The following CCDC186 variants were observed in gnomAD, a reference collection of about 807,000 sequenced individuals.
The protein encoded by CCDC186 is coiled-coil domain containing 186, also known as coiled-coil domain-containing protein 186.
In CCDC186, 49 loss-of-function variants were observed where a neutral mutation model predicts 113.7. That is an observed-to-expected ratio of 0.43 (90% confidence interval 0.34 to 0.55). CCDC186 has a LOEUF of 0.55. Ranked by LOEUF, CCDC186 falls within the 20% of genes least tolerant of loss-of-function variation. CCDC186 has a pLI of 0.02. For synonymous variants in CCDC186, 355 were observed against 345.8 expected (o/e 1.03, Z -0.30); for missense variants, 890 against 1,011.1 (o/e 0.88, Z 1.62).
chr10:114,139,047 C>G (rs1271921785), intron 6 of CCDC186, among the ~76,000 whole-genome samples: 1 of 152,194 alleles, frequency 6.6e-6, no homozygotes, highest in Non-Finnish European at 1.5e-5. Flanking sequence ...ATATGTTCCC[C>G]TAATACAGCA....
At chr10:114,162,500 T>TA (rs2119818388) in intron 2 of CCDC186, 137 bp downstream of exon 2, 1 of 627,762 alleles carries the variant, frequency 1.6e-6, no homozygotes, top group East Asian at 2.9e-5. Flanking sequence ...ACTATACATT[T>TA]ATTGTTCAAC....
chr10:114,138,037 C>CA lies in CCDC186; in HGVS notation c.1222-748dup, dbSNP rs1564908401. On this transcript the variant is annotated intron_variant, in intron 6 of 15. Transcript: ENST00000369287. ...GGGCAACAAGAGTGAAACTCGGTCT[C>CA]AAAAAAAAAAAAAAAAAAAAAAAAA... Among the ~76,000 whole-genome samples, 3 of 22,848 alleles carry CA rather than the reference C, an allele frequency of 1.3e-4. 1 individual carries two copies. The highest frequency in any genetic ancestry group is 2.3e-4 in the Non-Finnish European group (3 of 12,814). The allele number at this position is 22,848 out of a possible 152,430, so 15.0% of individuals were successfully genotyped here.
chr10:114,160,604 G>A (rs1051506734), intron 2 of CCDC186, among the ~76,000 whole-genome samples: 3 of 142,672 alleles, frequency 2.1e-5, no homozygotes, highest in Non-Finnish European at 3.0e-5. Context: ...ATCATTTCAC[G>A]ATGTATATCA....
chr10:114,167,011 G>A (rs924695160), intron 1 of CCDC186, among the ~76,000 whole-genome samples: 6 of 147,762 alleles, frequency 4.1e-5, no homozygotes, highest in Admixed American at 1.4e-4. Flanking sequence ...TAGCTTGCAA[G>A]CTGGTTTTTT....
At chr10:114,143,923 G>T (rs972582427) in intron 6 of CCDC186, among the ~76,000 whole-genome samples, 13 of 151,994 alleles carry the variant, frequency 8.6e-5, no homozygotes, top group Admixed American at 2.0e-4. Flanking sequence ...ACGGCATCAG[G>T]TATCAGCCTT....
At chr10:114,144,450 CA>C (rs780654700) in intron 6 of CCDC186, 46 bp downstream of exon 6, 12 of 1,546,504 alleles carry the variant, frequency 7.8e-6, no homozygotes, top group Admixed American at 4.3e-5. Flanking sequence ...AAAACAAAAA[CA>C]AAAAAACTCA....
intron 8 of CCDC186, 78 bp downstream of exon 8, chr10:114,136,066 AGTAG>A: frequency 6.7e-7 from 1 of 1,497,384 alleles, no homozygotes; most frequent in Non-Finnish European, 9.3e-7. Flanking sequence ...AGGCCTTAAA[AGTAG>A]ATAGCAATAA....
intron 3 of CCDC186, among the ~76,000 whole-genome samples, chr10:114,153,111 T>C (rs2031903532): frequency 2.6e-5 from 4 of 152,106 alleles, no homozygotes; most frequent in African/African-American, 9.7e-5. Flanking sequence ...TACAAAACAA[T>C]GGAATCTAAT....
At chr10:114,149,802 A>AAGGAAGGCAGGAAGGCAGGAAGGC (rs2031785429) in intron 4 of CCDC186, among the ~76,000 whole-genome samples, 1 of 39,670 alleles carries the variant, frequency 2.5e-5, no homozygotes, top group Non-Finnish European at 4.8e-5. Context: ...GGAAGGAAGG[A>AAGGAAGGCAGGAAGGCAGGAAGGC]AGGAAGGAAG....
At chr10:114,165,680 ACT>A (rs2032315000) in intron 1 of CCDC186, among the ~76,000 whole-genome samples, 1 of 150,844 alleles carries the variant, frequency 6.6e-6, no homozygotes, top group South Asian at 2.1e-4. Flanking sequence ...ACGGAGCGAG[ACT>A]CTGTCTCAAA....
Position 114,127,553 on chromosome 10 carries a change from CCTAACT to C in CCDC186, c.2295_2300del (p.Ile765_Arg767delinsMet). Reference sequence around the variant, plus strand: ...TTTTCCGGGCATGTGCTTTTTGCAGCCTAACTATTCTCTCAATCAACATGGCCTTAT... The same window carrying C: ...TTTTCCGGGCATGTGCTTTTTGCAGCATTCTCTCAATCAACATGGCCTTAT... On this transcript the variant is annotated inframe_deletion, in exon 14 of 16. Transcript: ENST00000369287. 6.2e-7 allele frequency: 1 copy of C among 1,613,960 alleles called. No individual in the cohort carries two copies. Among genetic ancestry groups the C allele is most frequent in the Non-Finnish European group, 8.5e-7 (1 of 1,179,976 alleles).
intron 11 of CCDC186, 64 bp downstream of exon 11, chr10:114,131,865 C>T (rs953257186): frequency 1.5e-5 from 22 of 1,423,314 alleles, no homozygotes; most frequent in African/African-American, 1.4e-4. Flanking sequence ...TACTTTTATA[C>T]TGTTAGGGAA....
chr10:114,157,622 C>T lies in CCDC186; in HGVS notation c.691G>A (p.Asp231Asn). The change falls in exon 3 of 16, where the codon GAC becomes AAC. Residue 231 changes from aspartate to asparagine, a missense_variant. Physicochemically the swap from Asp to Asn is conservative, Grantham distance 23. Coordinates refer to ENST00000369287, the MANE Select transcript of CCDC186 (RefSeq NM_018017.4). ...ELFVDICSEKDNLREELKKRT... is the reference protein window; with the variant it reads ...ELFVDICSEKNNLREELKKRT... The stretch of plus-strand genomic sequence containing the variant: ...TTCTTTAGTTCTTCTCTTAAATTGT[C>T]TTTTTCTGAACAAATGTCTACGAAG... 6.2e-7 allele frequency: 1 copy of T among 1,609,836 alleles called. No homozygotes were observed. The highest frequency in any genetic ancestry group is 8.5e-7 in the Non-Finnish European group (1 of 1,178,270).
chr10:114,150,984 G>A (rs2031839175), intron 4 of CCDC186, 108 bp downstream of exon 4: 2 of 1,295,302 alleles, frequency 1.5e-6, no homozygotes, highest in South Asian at 1.5e-5. Context: ...GAATCACCTA[G>A]TATTAATACA....
intron 5 of CCDC186, 139 bp downstream of exon 5, chr10:114,145,410 T>G: frequency 1.3e-6 from 1 of 760,914 alleles, no homozygotes; most frequent in Non-Finnish European, 2.0e-6. Context: ...AATTCATGGT[T>G]TTAGAAGGTA....
intron 4 of CCDC186, among the ~76,000 whole-genome samples, chr10:114,149,763 AG>A (rs1330444009): frequency 1.4e-4 from 3 of 21,356 alleles, no homozygotes; most frequent in African/African-American, 3.8e-4. Flanking sequence ...GCAGGAAGGA[AG>A]GAAGGAAGGA....
rs368118010 is a variant in CCDC186 at position 114,145,569 on chromosome 10, G to A, written c.1081C>T (p.His361Tyr). Residue 361 changes from histidine to tyrosine, a missense_variant, in exon 5 of 16, where the codon CAC (histidine) becomes TAC (tyrosine). Transcript: ENST00000369287. The part of the protein sequence containing the change: ...KQLSQEKGRL[H>Y]QLYETKEGET... Reference sequence around the variant, plus strand: ...TATACCTTAGTTTCATACAGCTGGTGCAACCGTCCTTTCTCCTGAGAAAGC... The same window carrying A: ...TATACCTTAGTTTCATACAGCTGGTACAACCGTCCTTTCTCCTGAGAAAGC... 2 of 1,609,120 alleles carry A rather than the reference G, an allele frequency of 1.2e-6. No individual in the cohort carries two copies. The highest frequency in any genetic ancestry group is 1.3e-5 in the African/African-American group (1 of 74,562).
rs1296762494 is a variant in CCDC186 at position 114,136,129 on chromosome 10, A to G, written c.1425+19T>C. The G allele has an allele frequency of 4.4e-6, 7 of 1,595,870 alleles. No individual in the cohort carries two copies. Among genetic ancestry groups the G allele is most frequent in the Non-Finnish European group, 6.0e-6 (7 of 1,164,804 alleles). On this transcript the variant is annotated intron_variant, in intron 8 of 15. Transcript: ENST00000369287. ...ATTTATTATGCAACTTAGGATATAT[A>G]AAGAGCAAAACTACTCACCTCTAGC...
intron 4 of CCDC186, among the ~76,000 whole-genome samples, chr10:114,148,059 C>T (rs772544481): frequency 3.3e-5 from 5 of 152,132 alleles, no homozygotes; most frequent in Non-Finnish European, 4.4e-5. Context: ...CTCTTGAGCC[C>T]AGGAGGTTGA....
Sources: gnomAD v4.1 joint callset for allele counts (sites outside exome capture counted in the v4.1 genomes callset) on GRCh38, gnomAD v4.1.1 for gene constraint, MANE v1.5 for transcripts, NCBI Gene and HGNC (gene_info 2026-07-23, HGNC 2026-07-21) for gene names.